HOOK3: variants seen among roughly 807,000 people sequenced by gnomAD.
The protein encoded by HOOK3 is hook microtubule tethering protein 3, also known as protein Hook homolog 3.
HOOK3 carries 24 observed loss-of-function variants against 116.3 expected under a neutral mutation model. That is an observed-to-expected ratio of 0.21 (90% CI 0.15 to 0.29). The LOEUF (loss-of-function observed/expected upper bound fraction) is 0.29, where lower values mean the gene tolerates loss of function less well. HOOK3 is among the 10% of genes least tolerant of loss of function. HOOK3 has a pLI of 1.00. For synonymous variants in HOOK3, 275 were observed against 283.0 expected, an observed-to-expected ratio of 0.97 and a Z score of 0.28; for missense variants, 632 against 830.2, an observed-to-expected ratio of 0.76 and a Z score of 2.93.
At chr8:42,906,685 GTTC>G (rs1005438646) in intron 2 of HOOK3, among the ~76,000 whole-genome samples, 4 of 152,064 alleles carry the variant, frequency 2.6e-5, no homozygotes, top group African/African-American at 9.7e-5. Context: ...AAGCTTTTGT[GTTC>G]TTCTTTCAAG....
At position 42,912,878 on chromosome 8, in the gene HOOK3, C is replaced by T. The variant is rs536249854; in HGVS notation, c.143+6620C>T. On this transcript the variant is annotated intron_variant, in intron 2 of 21. Coordinates refer to ENST00000307602, the MANE Select transcript of HOOK3 (RefSeq NM_032410.4). ...TAGTATAACAGAATAGTTTCTCTGC[C>T]ATAACTATCCTCTGTGTTCCGCCTA... Among the ~76,000 whole-genome samples the T allele has an allele frequency of 2.0e-5, 3 of 152,332 alleles. No homozygotes were observed. In the South Asian group the frequency reaches 6.2e-4, roughly 32 times the overall value.
chr8:42,964,670 T>C (rs1216019820), intron 9 of HOOK3, among the ~76,000 whole-genome samples, 196 bp downstream of exon 9: 2 of 151,472 alleles, frequency 1.3e-5, no homozygotes, highest in East Asian at 1.9e-4. Context: ...CTACTAAAAA[T>C]ACAAAAATTA....
rs1338074112 is a variant in HOOK3 at position 43,023,455 on chromosome 8, C to G, written c.*4957C>G. 3 of 164,288 alleles carry G rather than the reference C, an allele frequency of 1.8e-5. No individual in the cohort carries two copies. The highest frequency in any genetic ancestry group is 2.6e-5 in the Non-Finnish European group (2 of 76,220). The allele number at this position is 164,288 out of a possible 1,614,324, so 10.2% of individuals were successfully genotyped here. A position where few individuals can be genotyped will look rare whatever the true frequency, so the allele number is the denominator to read the frequency against. ...TCTTTTTTCTTTTCTTTTCTTTTCT[C>G]CCTCCTTTCTTCCTTCCCTTCCCTT... On this transcript the variant is annotated 3_prime_UTR_variant, in exon 22 of 22. Transcript: ENST00000307602.
At chr8:42,910,529 A>C (rs1390711566) in intron 2 of HOOK3, among the ~76,000 whole-genome samples, 1 of 152,222 alleles carries the variant, frequency 6.6e-6, no homozygotes, top group Non-Finnish European at 1.5e-5. Flanking sequence ...CATGATTCTG[A>C]CTTCAGTGCC....
intron 2 of HOOK3, among the ~76,000 whole-genome samples, chr8:42,912,434 G>A (rs1413299792): frequency 6.6e-6 from 1 of 152,140 alleles, no homozygotes; most frequent in Non-Finnish European, 1.5e-5. Flanking sequence ...TTTAAGAGCT[G>A]TTTTACCTTC....
intron 2 of HOOK3, among the ~76,000 whole-genome samples, chr8:42,910,017 AAGCATGGTGACCAT>A (rs1453814271): frequency 6.6e-6 from 1 of 152,230 alleles, no homozygotes; most frequent in African/African-American, 2.4e-5. Context: ...ATTTATTGCA[AAGCATGGTGACCAT>A]AGTTGTTAAT....
intron 2 of HOOK3, among the ~76,000 whole-genome samples, chr8:42,924,960 G>A (rs981086492): frequency 6.6e-6 from 1 of 151,756 alleles, no homozygotes. Flanking sequence ...CTGAGTGACG[G>A]AGCGAGACTC....
chr8:42,943,918 TA>T, intron 5 of HOOK3, among the ~76,000 whole-genome samples: 1 of 152,144 alleles, frequency 6.6e-6, no homozygotes, highest in Non-Finnish European at 1.5e-5. Flanking sequence ...GAGGGAAGAG[TA>T]TCATTATATG....
intron 15 of HOOK3, among the ~76,000 whole-genome samples, chr8:42,991,948 T>C (rs1809170111): frequency 6.6e-6 from 1 of 152,208 alleles, no homozygotes; most frequent in Admixed American, 6.5e-5. Flanking sequence ...TTTCCATTTT[T>C]TTGTGTCTTC....
chr8:43,003,734 G>A (rs1289768592), intron 17 of HOOK3, among the ~76,000 whole-genome samples: 1 of 152,178 alleles, frequency 6.6e-6, no homozygotes, highest in East Asian at 1.9e-4. Context: ...AATCTGCTCT[G>A]TGATCCTTCT....
At position 42,930,173 on chromosome 8, in the gene HOOK3, G is replaced by A; in HGVS notation, c.267+1G>A. 6.5e-7 allele frequency: 1 copy of A among 1,535,184 alleles called. No homozygotes were observed. The highest frequency in any genetic ancestry group is 8.8e-7 in the Non-Finnish European group (1 of 1,137,978). On this transcript the variant is annotated splice_donor_variant, in intron 4 of 21. Coordinates refer to ENST00000307602, the MANE Select transcript of HOOK3 (RefSeq NM_032410.4). LOFTEE classifies it high-confidence loss of function. ...AGGAATCTTGGATTATAATCATGAG[G>A]TAAAGACTTTTTTCTCATTCTGCTT...
intron 5 of HOOK3, among the ~76,000 whole-genome samples, chr8:42,947,392 G>A (rs1207338184): frequency 6.6e-6 from 1 of 152,172 alleles, no homozygotes; most frequent in Non-Finnish European, 1.5e-5. Context: ...CAACTGTTGA[G>A]AGTCAGCTAA....
intron 18 of HOOK3, 91 bp downstream of exon 18, chr8:43,008,020 T>G: frequency 1.9e-6 from 1 of 524,146 alleles, no homozygotes; most frequent in Non-Finnish European, 3.1e-6. Context: ...ATTATTTATT[T>G]TTTATTTTTA....
chr8:42,959,625 A>C (rs1188082831), intron 8 of HOOK3, among the ~76,000 whole-genome samples: 1 of 145,890 alleles, frequency 6.9e-6, no homozygotes, highest in East Asian at 2.2e-4. Context: ...AGGCTGAGGC[A>C]GGAGAATTGC....
In HOOK3 at chr8:42,966,375, G is replaced by A; in HGVS notation, c.780-98G>A. The A allele has an allele frequency of 2.4e-6, 3 of 1,262,268 alleles. No homozygotes were observed. In the South Asian group the frequency reaches 4.7e-5, roughly 20 times the overall value. The allele number at this position is 1,262,268 out of a possible 1,614,324, so 78.2% of individuals were successfully genotyped here. A position where few individuals can be genotyped will look rare whatever the true frequency, so the allele number is the denominator to read the frequency against. ...CTAACATGGGAGACATACTCAAGAA[G>A]GCTTTATTCTCATGCTTTATATCTT... is the stretch of plus-strand genomic sequence containing the variant. On this transcript the variant is annotated intron_variant, in intron 9 of 21. Transcript: ENST00000307602.
At chr8:42,933,290 G>A (rs563314926) in intron 4 of HOOK3, among the ~76,000 whole-genome samples, 54 of 152,154 alleles carry the variant, frequency 3.5e-4, no homozygotes, top group Non-Finnish European at 6.3e-4. Flanking sequence ...ACATAAATGT[G>A]TTTATAAAAA....
At chr8:42,916,506 T>C (rs1183206284) in intron 2 of HOOK3, among the ~76,000 whole-genome samples, 1 of 152,224 alleles carries the variant, frequency 6.6e-6, no homozygotes, top group Non-Finnish European at 1.5e-5. Flanking sequence ...AACTTTTATC[T>C]GAGGAATGAG....
rs1488602102 is a variant in HOOK3, at chr8:43,002,176, T to C, written c.1655+35T>C. The C allele has an allele frequency of 2.6e-6, 4 of 1,524,422 alleles. No individual in the cohort carries two copies. In the South Asian group the frequency reaches 3.4e-5, roughly 13 times the overall value. The allele number at this position is 1,524,422 out of a possible 1,614,324, so 94.4% of individuals were successfully genotyped here. A position where few individuals can be genotyped will look rare whatever the true frequency, so the allele number is the denominator to read the frequency against. On this transcript the variant is annotated intron_variant, in intron 17 of 21. Coordinates refer to ENST00000307602, the MANE Select transcript of HOOK3 (RefSeq NM_032410.4). ...AAAGCTGTTGAGGCTGATTCTTCTA[T>C]AGTGGAACACATGTGCTTTGTGTTA... is the stretch of plus-strand genomic sequence containing the variant.
intron 5 of HOOK3, among the ~76,000 whole-genome samples, chr8:42,945,034 G>C (rs1797005589): frequency 6.6e-6 from 1 of 152,138 alleles, no homozygotes; most frequent in South Asian, 2.1e-4. Flanking sequence ...ATGAGCTGCA[G>C]TGTGCATCAA....
Sources: allele counts gnomAD v4.1 joint callset (sites outside exome capture counted in the v4.1 genomes callset), GRCh38; gene constraint gnomAD v4.1.1; transcripts MANE v1.5; gene names NCBI Gene and HGNC (gene_info 2026-07-23, HGNC 2026-07-21).